Variants in SIL1 observed in about 807,000 individuals in gnomAD.
SIL1 encodes SIL1 nucleotide exchange factor, also known as nucleotide exchange factor SIL1.
Under a neutral mutation model 49.1 loss-of-function variants are expected in SIL1, and 40 were observed. The ratio of observed to expected loss-of-function variants is 0.81; its 90% confidence interval spans 0.63 to 1.06. The LOEUF is 1.06. Among genes scored for constraint, SIL1 ranks in the 50% least tolerant of loss-of-function variants. The pLI, the probability that SIL1 is intolerant of heterozygous loss-of-function variation, is 0.00. For synonymous variants in SIL1, 253 were observed against 250.8 expected (o/e 1.01, Z -0.08); for missense variants, 500 against 572.6 (o/e 0.87, Z 1.29).
chr5:139,085,578 G>A (rs1770199845), intron 3 of SIL1, among the ~76,000 whole-genome samples: 1 of 152,190 alleles, frequency 6.6e-6, no homozygotes, highest in Admixed American at 6.5e-5. Flanking sequence ...TGACTAGGCT[G>A]GGAGAAAGGA....
chr5:139,041,522 T>C (rs963264909), intron 5 of SIL1, among the ~76,000 whole-genome samples: 63 of 152,034 alleles, frequency 4.1e-4, no homozygotes, highest in African/African-American at 1.5e-3. Context: ...GGCAAATGAG[T>C]GCCCAGCACG....
rs773401167 is a variant in SIL1 at position 139,121,136 on chromosome 5, G to A, written c.143C>T (p.Thr48Ile). ...FALTNPEKSS[T>I]KETERKETKA... ...GGTTTCTTTTCTCTCTGTTTCTTTG[G>A]TGCTGCTCTTCTCTGGGTTGGTCAG... Residue 48 changes from threonine (T) to isoleucine (I), a missense_variant, in exon 3 of 10, where the codon ACC becomes ATC. Coordinates refer to ENST00000394817, the MANE Select transcript of SIL1 (RefSeq NM_022464.5). 6.2e-7 allele frequency: 1 copy of A among 1,614,134 alleles called. No homozygotes were observed. The highest frequency in any genetic ancestry group is 2.2e-5 in the East Asian group (1 of 44,882).
intron 3 of SIL1, among the ~76,000 whole-genome samples, chr5:139,054,117 G>T (rs1440099359): frequency 6.6e-6 from 1 of 152,122 alleles, no homozygotes; most frequent in East Asian, 1.9e-4. Context: ...CCCATCTCTA[G>T]AAAATAATTT....
chr5:139,035,615 C>A, intron 5 of SIL1: 1 of 339,334 alleles, frequency 2.9e-6, no homozygotes, highest in Non-Finnish European at 5.7e-6. Flanking sequence ...GCGCCCATTT[C>A]ACCCTCCGTG....
chr5:139,004,692 G>C (rs1402133198), intron 7 of SIL1, among the ~76,000 whole-genome samples: 1 of 151,992 alleles, frequency 6.6e-6, no homozygotes, highest in East Asian at 1.9e-4. Context: ...AGTTCTATTT[G>C]TGAATCAACC....
intron 1 of SIL1, among the ~76,000 whole-genome samples, chr5:139,159,332 C>T (rs1187826601): frequency 2.6e-5 from 4 of 152,186 alleles, no homozygotes; most frequent in Non-Finnish European, 5.9e-5. Context: ...AAATTAGGGC[C>T]GGAAGCCCTG....
intron 3 of SIL1, among the ~76,000 whole-genome samples, chr5:139,085,131 T>G: frequency 6.7e-6 from 1 of 149,772 alleles, no homozygotes; most frequent in African/African-American, 2.5e-5. Flanking sequence ...GACGGGGGAG[T>G]GGAGAAGGAG....
intron 3 of SIL1, among the ~76,000 whole-genome samples, chr5:139,099,909 A>G (rs1221984915): frequency 6.6e-6 from 1 of 152,230 alleles, no homozygotes. Flanking sequence ...CTAATTGTAC[A>G]TTTAAATAAC....
chr5:139,123,073 A>G (rs888943583), intron 2 of SIL1, among the ~76,000 whole-genome samples: 3 of 152,206 alleles, frequency 2.0e-5, no homozygotes, highest in African/African-American at 7.2e-5. Context: ...GGCTGCTACT[A>G]TTACTTATGA....
chr5:139,191,794 G>A (rs755583113), intron 1 of SIL1, among the ~76,000 whole-genome samples: 80 of 151,556 alleles, frequency 5.3e-4, no homozygotes, highest in Non-Finnish European at 9.9e-4. Flanking sequence ...CTCTTAAAAA[G>A]GGCCAGGCAC....
intron 7 of SIL1, among the ~76,000 whole-genome samples, chr5:138,979,073 T>A (rs1041461142): frequency 4.6e-4 from 70 of 151,898 alleles, no homozygotes; most frequent in African/African-American, 1.6e-3. Flanking sequence ...AATTTTATTT[T>A]ATTTTTTTTT....
At chr5:138,986,475 G>A (rs1464890335) in intron 7 of SIL1, among the ~76,000 whole-genome samples, 1 of 152,176 alleles carries the variant, frequency 6.6e-6, no homozygotes, top group Non-Finnish European at 1.5e-5. Context: ...CTGCATCAAT[G>A]GTTTAAAAAT....
chr5:139,092,684 A>C (rs2151777230), intron 3 of SIL1, among the ~76,000 whole-genome samples: 1 of 152,338 alleles, frequency 6.6e-6, no homozygotes, highest in South Asian at 2.1e-4. Context: ...ACATGAAAAC[A>C]ACAGGAGATG....
chr5:139,039,255 G>A (rs1238440210), intron 5 of SIL1, among the ~76,000 whole-genome samples: 1 of 152,106 alleles, frequency 6.6e-6, no homozygotes, highest in East Asian at 1.9e-4. Context: ...CCGTCCACTT[G>A]GCTCCTGGCG....
Position 139,026,223 on chromosome 5 carries a change from C to G in SIL1, c.645+578G>C, listed in dbSNP as rs192988512. 9.2e-5 allele frequency among the ~76,000 whole-genome samples: 14 copies of G among 152,214 alleles called. No homozygotes were observed. The East Asian group carries it at 2.5e-3, about 27-fold the overall frequency. On this transcript the variant is annotated intron_variant, in intron 6 of 9. Coordinates refer to ENST00000394817, the MANE Select transcript of SIL1 (RefSeq NM_022464.5). ...TTATTCAATTACTTCCTCTTCCAGG[C>G]TATAAGCTGCATAACTAGGACTATG...
intron 3 of SIL1, among the ~76,000 whole-genome samples, chr5:139,058,344 A>C (rs1769504528): frequency 6.6e-6 from 1 of 152,100 alleles, no homozygotes; most frequent in Non-Finnish European, 1.5e-5. Flanking sequence ...TAAAAAAAAA[A>C]ACACCAAATT....
At chr5:139,042,382 T>C (rs976087643) in intron 5 of SIL1, among the ~76,000 whole-genome samples, 2 of 152,170 alleles carry the variant, frequency 1.3e-5, no homozygotes, top group African/African-American at 4.8e-5. Flanking sequence ...TGGGGAGCTG[T>C]TTGAAGACAT....
intron 6 of SIL1, chr5:139,022,618 TG>T (rs1486641680): frequency 6.6e-6 from 1 of 152,194 alleles, no homozygotes; most frequent in African/African-American, 2.4e-5. Flanking sequence ...AAAGGCAATC[TG>T]GGGTATCTGT....
intron 7 of SIL1, among the ~76,000 whole-genome samples, chr5:139,008,000 CT>C (rs1426090397): frequency 2.6e-5 from 4 of 152,158 alleles, no homozygotes; most frequent in Admixed American, 6.5e-5. Flanking sequence ...AGGATTCCCT[CT>C]TTTTCTATTG....
Sources: gnomAD v4.1 joint callset for allele counts (sites outside exome capture counted in the v4.1 genomes callset) on GRCh38, gnomAD v4.1.1 for gene constraint, MANE v1.5 for transcripts, NCBI Gene and HGNC (gene_info 2026-07-23, HGNC 2026-07-21) for gene names.